The following DNMBP variants were observed in gnomAD, a reference collection of about 807,000 sequenced individuals.
DNMBP encodes the protein dynamin binding protein.
Under a neutral mutation model 150.0 loss-of-function variants are expected in DNMBP, and 87 were observed. That is an observed-to-expected ratio of 0.58 (90% confidence interval 0.49 to 0.69). The LOEUF (loss-of-function observed/expected upper bound fraction) is 0.69, where lower values mean the gene tolerates loss of function less well. Among genes scored for constraint, DNMBP ranks in the 30% least tolerant of loss-of-function variants. The probability of loss-of-function intolerance (pLI) is 0.00; values close to 1 mark genes in which losing one functional copy is unlikely to be tolerated. For synonymous variants in DNMBP, 711 were observed against 750.4 expected (o/e 0.95, Z 0.86); for missense variants, 1,774 against 1,949.0 (o/e 0.91, Z 1.69).
At chr10:99,928,742 A>G (rs2040110615) in intron 4 of DNMBP, among the ~76,000 whole-genome samples, 1 of 152,194 alleles carries the variant, frequency 6.6e-6, no homozygotes, top group Non-Finnish European at 1.5e-5. Context: ...CATTCACTTA[A>G]GATTCCTGAA....
At chr10:99,922,385 G>A (rs1309974536) in intron 4 of DNMBP, among the ~76,000 whole-genome samples, 4 of 151,620 alleles carry the variant, frequency 2.6e-5, no homozygotes, top group South Asian at 4.2e-4. Context: ...GATATCTCTC[G>A]CTTTTACAGA....
chr10:99,927,908 A>G (rs2040100156), intron 4 of DNMBP, among the ~76,000 whole-genome samples: 2 of 152,166 alleles, frequency 1.3e-5, no homozygotes, highest in Non-Finnish European at 2.9e-5. Context: ...GGCTTAATAC[A>G]ATAAGGAACT....
rs80095586 is a variant in DNMBP, at chr10:99,895,862, T to C, written c.3051+405A>G. The stretch of plus-strand genomic sequence containing the variant: ...TAATATATATAGTATAGCAGAATGA[T>C]GTCTGCAGACTTCAGGTCAACTTTC... On this transcript the variant is annotated intron_variant, in intron 10 of 16. Coordinates refer to ENST00000324109, the MANE Select transcript of DNMBP (RefSeq NM_015221.4). Among the ~76,000 whole-genome samples, 1,372 of 152,368 alleles carry C rather than the reference T, an allele frequency of 9.0e-3. 26 individuals carry two copies. Among genetic ancestry groups the C allele is most frequent in the African/African-American group, 0.03 (1,237 of 41,584 alleles).
chr10:99,908,920 A>C, intron 5 of DNMBP, 33 bp downstream of exon 5: 1 of 1,588,568 alleles, frequency 6.3e-7, no homozygotes, highest in Non-Finnish European at 8.6e-7. Flanking sequence ...GACCATATTC[A>C]AGGTCAAACT....
chr10:99,968,153 A>ACCAC (rs1166420621), intron 3 of DNMBP, among the ~76,000 whole-genome samples: 6 of 152,252 alleles, frequency 3.9e-5, no homozygotes, highest in Non-Finnish European at 8.8e-5. Flanking sequence ...ATAGGTGCAT[A>ACCAC]CCACCATGCC....
chr10:99,905,303 T>C (rs759075084), intron 6 of DNMBP, among the ~76,000 whole-genome samples: 10 of 152,320 alleles, frequency 6.6e-5, no homozygotes, highest in African/African-American at 2.2e-4. Flanking sequence ...AAAGACACAG[T>C]TGTATTCTGT....
rs1286700690 is a variant in DNMBP at position 99,888,953 on chromosome 10, C to A, written c.3157G>T (p.Glu1053Ter). The A allele has an allele frequency of 6.2e-7, 1 of 1,614,006 alleles. No homozygotes were observed. The highest frequency in any genetic ancestry group is 1.3e-5 in the African/African-American group (1 of 74,924). Residue 1053 changes from glutamate to a stop codon, truncating the protein, a stop_gained and splice_region_variant, in exon 12 of 17, where the codon GAG becomes TAG. Transcript: ENST00000324109. LOFTEE classifies it high-confidence loss of function. ...DLSLYLQHIR[E>*]SACVKVVAAV... ...GCCACCACTTTCACACATGCGGACT[C>A]CTGGAGCCAGTTAGGACAGACACAA...
chr10:99,898,351 G>A lies in DNMBP; in HGVS notation c.2721-66C>T, dbSNP rs758389867. On this transcript the variant is annotated intron_variant, in intron 8 of 16. Transcript: ENST00000324109. Reference sequence around the variant, plus strand: ...ATATAGCGCCCAGCCTGGGAACATCGTGAGACCCCACCTTAAAAAAAACTT... The same window carrying A: ...ATATAGCGCCCAGCCTGGGAACATCATGAGACCCCACCTTAAAAAAAACTT... The A allele has an allele frequency of 7.9e-6, 11 of 1,390,818 alleles. No homozygotes were observed. In the East Asian group the frequency reaches 1.6e-4, roughly 20 times the overall value. The allele number at this position is 1,390,818 out of a possible 1,614,324, so 86.2% of individuals were successfully genotyped here.
chr10:99,896,595 G>A (rs751627717), intron 9 of DNMBP, among the ~76,000 whole-genome samples, 198 bp from the exon 10 acceptor site: 64 of 152,186 alleles, frequency 4.2e-4, no homozygotes, highest in Non-Finnish European at 8.1e-4. Context: ...CAGGAGAGGG[G>A]CCAGAGACAA....
intron 11 of DNMBP, among the ~76,000 whole-genome samples, chr10:99,891,900 C>T (rs1240170135): frequency 3.3e-5 from 5 of 150,290 alleles, no homozygotes; most frequent in African/African-American, 1.2e-4. Flanking sequence ...CTCTGCCGCC[C>T]CGTCCGGGAG....
intron 4 of DNMBP, among the ~76,000 whole-genome samples, chr10:99,938,959 T>C (rs1206199936): frequency 1.3e-5 from 2 of 152,130 alleles, no homozygotes; most frequent in Non-Finnish European, 2.9e-5. Flanking sequence ...TGTTTGCTAT[T>C]TGCTCCTAGT....
intron 8 of DNMBP, 54 bp from the exon 9 acceptor site, chr10:99,898,339 C>T (rs1479586316): frequency 5.4e-6 from 8 of 1,481,482 alleles, no homozygotes; most frequent in Non-Finnish European, 7.5e-6. Flanking sequence ...TAGCGCCCAG[C>T]CTGGGAACAT....
chr10:99,898,297 G>A lies in DNMBP; in HGVS notation c.2721-12C>T, dbSNP rs1311306087. ...AATTTGTGCATCCCCTGTAAGAGAA[G>A]GAAAAAAGACTTTAGTAAGCTATCA... On this transcript the variant is annotated splice_polypyrimidine_tract_variant and intron_variant, in intron 8 of 16. Transcript: ENST00000324109. 3.1e-6 allele frequency: 5 copies of A among 1,603,206 alleles called. No homozygotes were observed. The highest frequency in any genetic ancestry group is 2.7e-5 in the African/African-American group (2 of 74,464).
intron 14 of DNMBP, 35 bp downstream of exon 14, chr10:99,885,652 C>G: frequency 6.5e-7 from 1 of 1,532,522 alleles, no homozygotes; most frequent in Non-Finnish European, 8.8e-7. Flanking sequence ...CTCTTTACCC[C>G]GAGGCGGGGC....
intron 4 of DNMBP, among the ~76,000 whole-genome samples, chr10:99,934,041 A>AT: frequency 6.6e-6 from 1 of 152,182 alleles, no homozygotes; most frequent in East Asian, 1.9e-4. Flanking sequence ...CAGCCTTGTG[A>AT]TTTTTTAGGA....
Position 99,898,287 on chromosome 10 carries a change from T to C in DNMBP, c.2721-2A>G. 1 of 1,611,566 alleles carries C rather than the reference T, an allele frequency of 6.2e-7. No homozygotes were observed. The highest frequency in any genetic ancestry group is 1.1e-5 in the South Asian group (1 of 90,974). On this transcript the variant is annotated splice_acceptor_variant, in intron 8 of 16. Transcript: ENST00000324109. LOFTEE classifies it high-confidence loss of function. ...AGGTTAATATAATTTGTGCATCCCC[T>C]GTAAGAGAAGGAAAAAAGACTTTAG...
chr10:99,913,048 G>A lies in DNMBP; in HGVS notation c.2261-3902C>T, dbSNP rs563792425. ...GGTGGCTCATGCCTGTAATCCTAGCGCTTTGGGAGTCTGAGGTGGGAAGAC... is the reference window on the plus strand; with the variant it reads ...GGTGGCTCATGCCTGTAATCCTAGCACTTTGGGAGTCTGAGGTGGGAAGAC... On this transcript the variant is annotated intron_variant, in intron 4 of 16. Coordinates refer to ENST00000324109, the MANE Select transcript of DNMBP (RefSeq NM_015221.4). 3.0e-4 allele frequency among the ~76,000 whole-genome samples: 45 copies of A among 152,152 alleles called. No homozygotes were observed. The South Asian group carries it at 9.1e-3, about 31-fold the overall frequency.
chr10:99,931,394 A>G (rs2040156147), intron 4 of DNMBP, among the ~76,000 whole-genome samples: 2 of 152,116 alleles, frequency 1.3e-5, no homozygotes, highest in East Asian at 1.9e-4. Context: ...GTTAGTGTAC[A>G]CTCCAATCGC....
At chr10:99,961,049 A>G (rs2040558328) in intron 3 of DNMBP, among the ~76,000 whole-genome samples, 1 of 151,776 alleles carries the variant, frequency 6.6e-6, no homozygotes, top group African/African-American at 2.4e-5. Flanking sequence ...AGTAGGTTAC[A>G]GTTCCTTAAT....
Sources: gnomAD v4.1 joint callset for allele counts (sites outside exome capture counted in the v4.1 genomes callset) on GRCh38, gnomAD v4.1.1 for gene constraint, MANE v1.5 for transcripts, NCBI Gene and HGNC (gene_info 2026-07-23, HGNC 2026-07-21) for gene names.